Variants in PREX1 observed in about 807,000 individuals in gnomAD.
PREX1 encodes the protein phosphatidylinositol-3,4,5-trisphosphate dependent Rac exchange factor 1.
PREX1 carries 41 observed loss-of-function variants against 198.3 expected under a neutral mutation model. That is an observed-to-expected ratio of 0.21 (90% confidence interval 0.16 to 0.27). PREX1 has a LOEUF of 0.27. PREX1 is among the 10% of genes least tolerant of loss of function. PREX1 has a pLI of 1.00. For missense variants in PREX1, 1,620 were observed against 2,200.7 expected, an observed-to-expected ratio of 0.74 and a Z score of 5.28; for synonymous variants, 843 against 887.2, an observed-to-expected ratio of 0.95 and a Z score of 0.89.
chr20:48,692,048 T>C (rs979451525), intron 8 of PREX1, among the ~76,000 whole-genome samples: 2 of 152,126 alleles, frequency 1.3e-5, no homozygotes, highest in Admixed American at 1.3e-4. Flanking sequence ...CGCCACCATG[T>C]CCAGCTAGTT....
chr20:48,660,436 A>G (rs566240079), intron 15 of PREX1, among the ~76,000 whole-genome samples: 2 of 152,364 alleles, frequency 1.3e-5, no homozygotes, highest in East Asian at 3.9e-4. Context: ...ATGATTTATG[A>G]TCATAGAGTA....
chr20:48,641,986 G>T, intron 29 of PREX1, 182 bp downstream of exon 29: 1 of 578,538 alleles, frequency 1.7e-6, no homozygotes, highest in Non-Finnish European at 3.1e-6. Context: ...ACCATTCTTG[G>T]CTCAGAGCCT....
intron 1 of PREX1, among the ~76,000 whole-genome samples, chr20:48,803,012 T>C (rs111398833): frequency 0.018 from 2,747 of 152,296 alleles, 92 homozygotes; most frequent in African/African-American, 0.064. Context: ...TCCTGGGAGC[T>C]TGCTTAGAAA....
rs575296340 is a variant in PREX1 at position 48,730,928 on chromosome 20, C to T, written c.519+3618G>A. Among the ~76,000 whole-genome samples the T allele has an allele frequency of 1.2e-4, 18 of 152,152 alleles. No homozygotes were observed. The South Asian group carries it at 2.1e-3, about 18-fold the overall frequency. On this transcript the variant is annotated intron_variant, in intron 4 of 39. Transcript: ENST00000371941. ...GGAGGATGGCTTGAGTCTAGGATGT[C>T]GAGGCTGCAGTGGGCCATGATCAAG...
chr20:48,737,072 C>T (rs2090059818), intron 3 of PREX1, among the ~76,000 whole-genome samples: 1 of 151,944 alleles, frequency 6.6e-6, no homozygotes, highest in Non-Finnish European at 1.5e-5. Context: ...TCCAATGGTG[C>T]ATAGTAAGTG....
chr20:48,880,981 T>TAAAAAAAAAAA, the PREX1 span, among the ~76,000 whole-genome samples: 11 of 20,996 alleles, frequency 5.2e-4, no homozygotes, highest in African/African-American at 7.8e-4. Flanking sequence ...AAACCATTGC[T>TAAAAAAAAAAA]AAAAAAAAAA....
chr20:48,830,630 A>C (rs1021129859), upstream of PREX1, among the ~76,000 whole-genome samples: 1 of 152,158 alleles, frequency 6.6e-6, no homozygotes, highest in African/African-American at 2.4e-5. Flanking sequence ...GGCCCACCCC[A>C]ATGTTTTATA....
intron 4 of PREX1, among the ~76,000 whole-genome samples, chr20:48,730,413 CCACACA>C (rs71827793): frequency 0.011 from 1,660 of 146,776 alleles, 22 homozygotes; most frequent in East Asian, 0.044. Context: ...GCAAAAGCCA[CCACACA>C]CACACACACA....
intron 5 of PREX1, among the ~76,000 whole-genome samples, chr20:48,725,589 T>C (rs1260750592): frequency 6.6e-6 from 1 of 152,104 alleles, no homozygotes; most frequent in Non-Finnish European, 1.5e-5. Context: ...CACAAACAGC[T>C]CAGACTTTGG....
chr20:48,782,754 G>A (rs1305240575), intron 1 of PREX1, among the ~76,000 whole-genome samples: 1 of 152,126 alleles, frequency 6.6e-6, no homozygotes, highest in African/African-American at 2.4e-5. Flanking sequence ...AGAACCTAGA[G>A]GCCGGGCTGT....
chr20:48,798,378 C>A (rs1473564951), intron 1 of PREX1, among the ~76,000 whole-genome samples: 1 of 152,192 alleles, frequency 6.6e-6, no homozygotes, highest in Non-Finnish European at 1.5e-5. Context: ...CATACCCACA[C>A]CTAAGGGTCC....
At chr20:48,835,419 G>C in the PREX1 span, among the ~76,000 whole-genome samples, 1 of 152,212 alleles carries the variant, frequency 6.6e-6, no homozygotes, top group Non-Finnish European at 1.5e-5. Context: ...TAAGTTGACA[G>C]AGTCAGCCAG....
At chr20:48,734,806 C>T (rs1244945018) in intron 3 of PREX1, among the ~76,000 whole-genome samples, 156 bp from the exon 4 acceptor site, 1 of 152,180 alleles carries the variant, frequency 6.6e-6, no homozygotes, top group Non-Finnish European at 1.5e-5. Context: ...CGGCTCCACT[C>T]ACTACCAGCT....
At chr20:48,786,886 G>A (rs909815737) in intron 1 of PREX1, among the ~76,000 whole-genome samples, 3 of 151,984 alleles carry the variant, frequency 2.0e-5, no homozygotes, top group South Asian at 2.1e-4. Flanking sequence ...AGGGAGGAGA[G>A]GAAAGGGAGA....
intron 1 of PREX1, among the ~76,000 whole-genome samples, chr20:48,768,718 T>C (rs1222796633): frequency 6.6e-6 from 1 of 151,574 alleles, no homozygotes; most frequent in Non-Finnish European, 1.5e-5. Context: ...GAGGTTGCAG[T>C]GAGCTGAGAT....
intron 7 of PREX1, among the ~76,000 whole-genome samples, chr20:48,697,878 C>T (rs1443094631): frequency 6.6e-6 from 1 of 152,222 alleles, no homozygotes; most frequent in African/African-American, 2.4e-5. Context: ...CCCAGAAGCA[C>T]TGTGAGTCAG....
chr20:48,652,507 G>A (rs2122903657), intron 21 of PREX1, 79 bp downstream of exon 21: 2 of 1,485,084 alleles, frequency 1.3e-6, no homozygotes, highest in Non-Finnish European at 1.8e-6. Flanking sequence ...GGAGGGGAGG[G>A]GACAACAGGA....
chr20:48,696,768 T>C (rs185583186), intron 7 of PREX1, among the ~76,000 whole-genome samples: 8 of 152,282 alleles, frequency 5.3e-5, no homozygotes, highest in Non-Finnish European at 8.8e-5. Context: ...ATGGGGATAA[T>C]GATAGCTCAA....
chr20:48,786,458 T>G lies in PREX1; in HGVS notation c.220-38578A>C, dbSNP rs188388092. 1.7e-3 allele frequency among the ~76,000 whole-genome samples: 251 copies of G among 151,016 alleles called. 3 individuals are homozygous for G. Among genetic ancestry groups the G allele is most frequent in the African/African-American group, 6.0e-3 (248 of 41,194 alleles). On this transcript the variant is annotated intron_variant, in intron 1 of 39. Coordinates refer to ENST00000371941, the MANE Select transcript of PREX1 (RefSeq NM_020820.4). ...ACGGGATAGGGTAGAAAAGGGAGGATGGGGGCCGGGCACGGTGGCTCACGC... is the reference window on the plus strand; with the variant it reads ...ACGGGATAGGGTAGAAAAGGGAGGAGGGGGGCCGGGCACGGTGGCTCACGC...
Sources: gnomAD v4.1 joint callset for allele counts (sites outside exome capture counted in the v4.1 genomes callset) on GRCh38, gnomAD v4.1.1 for gene constraint, MANE v1.5 for transcripts, NCBI Gene and HGNC (gene_info 2026-07-23, HGNC 2026-07-21) for gene names.